TMEM132D: variants seen among roughly 807,000 people sequenced by gnomAD.
TMEM132D encodes transmembrane protein 132D, also known as mature OL transmembrane protein.
A neutral mutation model predicts 62.3 loss-of-function variants in TMEM132D; 21 were observed. The ratio of observed to expected loss-of-function variants is 0.34; its 90% confidence interval spans 0.24 to 0.49. The LOEUF (loss-of-function observed/expected upper bound fraction) is 0.49. Ranked by LOEUF, TMEM132D falls within the 20% of genes least tolerant of loss-of-function variation. The pLI is 0.99. For synonymous variants in TMEM132D, 621 were observed against 575.6 expected (o/e 1.08, Z -1.13); for missense variants, 1,346 against 1,402.8 (o/e 0.96, Z 0.65).
Position 129,275,143 on chromosome 12 carries a change from C to T in TMEM132D, c.1299+62491G>A, listed in dbSNP as rs1231149185. Among the ~76,000 whole-genome samples the T allele has an allele frequency of 5.9e-5, 9 of 151,784 alleles. No homozygotes were observed. The South Asian group carries it at 1.3e-3, about 21-fold the overall frequency. On this transcript the variant is annotated intron_variant, in intron 4 of 8. Transcript: ENST00000422113. ...AAAACTTAAACAATTAGCCAGGTGTCGTGGCACACAGCTGTAACCCCAGCT... is the reference window on the plus strand; with the variant it reads ...AAAACTTAAACAATTAGCCAGGTGTTGTGGCACACAGCTGTAACCCCAGCT...
rs141135066 is a variant in TMEM132D, at chr12:129,170,876, G to A, written c.1443+38644C>T. Among the ~76,000 whole-genome samples, 415 of 152,154 alleles carry A rather than the reference G, an allele frequency of 2.7e-3. 1 individual carries two copies. Among genetic ancestry groups the A allele is most frequent in the African/African-American group, 9.3e-3 (388 of 41,516 alleles). On this transcript the variant is annotated intron_variant, in intron 5 of 8. Transcript: ENST00000422113. ...GCCATTAACAAGTCATAATCTTTTT[G>A]CTGGTGGAGGGTCTTGCCTTGAGGT...
intron 3 of TMEM132D, among the ~76,000 whole-genome samples, chr12:129,391,858 G>A (rs543422081): frequency 6.6e-5 from 10 of 152,204 alleles, no homozygotes; most frequent in Non-Finnish European, 1.5e-4. Context: ...CCGGGTTCAA[G>A]TGATTCTCCT....
intron 2 of TMEM132D, among the ~76,000 whole-genome samples, chr12:129,670,412 C>T (rs980204946): frequency 3.9e-5 from 6 of 152,090 alleles, no homozygotes; most frequent in East Asian, 3.9e-4. Context: ...GGGCTTGAGA[C>T]GTTTTGCAGA....
At chr12:129,335,217 C>T (rs982115742) in intron 4 of TMEM132D, among the ~76,000 whole-genome samples, 2 of 150,028 alleles carry the variant, frequency 1.3e-5, no homozygotes, top group East Asian at 2.0e-4. Flanking sequence ...CTGCAAGCTC[C>T]GCCTCCCAAG....
intron 2 of TMEM132D, among the ~76,000 whole-genome samples, chr12:129,665,714 G>C (rs2175339): frequency 1.3e-5 from 2 of 151,976 alleles, no homozygotes. Flanking sequence ...TACCTATCTC[G>C]TAGGTACTTT....
intron 3 of TMEM132D, among the ~76,000 whole-genome samples, chr12:129,526,576 C>T (rs1306525399): frequency 3.3e-5 from 5 of 152,236 alleles, no homozygotes; most frequent in Non-Finnish European, 5.9e-5. Context: ...AGCCACCACT[C>T]CCAGCCTCTT....
At chr12:129,169,067 G>A (rs1051891755) in intron 5 of TMEM132D, among the ~76,000 whole-genome samples, 12 of 152,148 alleles carry the variant, frequency 7.9e-5, no homozygotes, top group East Asian at 5.8e-4. Flanking sequence ...TAGCATTTTC[G>A]TAAAGCCGTC....
chr12:129,428,449 C>T (rs1044510094), intron 3 of TMEM132D, among the ~76,000 whole-genome samples: 1 of 152,182 alleles, frequency 6.6e-6, no homozygotes, highest in African/African-American at 2.4e-5. Context: ...TATTTTGCAA[C>T]TTTGTGTCTA....
intron 2 of TMEM132D, among the ~76,000 whole-genome samples, chr12:129,672,892 C>T (rs1409756501): frequency 3.3e-5 from 5 of 152,026 alleles, no homozygotes; most frequent in African/African-American, 7.3e-5. Flanking sequence ...GGACTACATG[C>T]GTGCACCACC....
At chr12:129,587,825 TA>T (rs1468444148) in intron 2 of TMEM132D, among the ~76,000 whole-genome samples, 1 of 152,094 alleles carries the variant, frequency 6.6e-6, no homozygotes, top group African/African-American at 2.4e-5. Flanking sequence ...GGCCAGGGGG[TA>T]TATTATTCTC....
intron 1 of TMEM132D, among the ~76,000 whole-genome samples, chr12:129,894,053 C>T (rs1875023354): frequency 6.6e-6 from 1 of 152,210 alleles, no homozygotes; most frequent in African/African-American, 2.4e-5. Context: ...ACTGTCCAGG[C>T]CTGTATTATT....
At chr12:129,436,206 A>C (rs1872783022) in intron 3 of TMEM132D, among the ~76,000 whole-genome samples, 1 of 152,156 alleles carries the variant, frequency 6.6e-6, no homozygotes, top group Admixed American at 6.5e-5. Context: ...TTTAATGAAG[A>C]CCATAAAACA....
chr12:129,691,569 C>T (rs1041729355), intron 2 of TMEM132D, among the ~76,000 whole-genome samples: 1 of 151,974 alleles, frequency 6.6e-6, no homozygotes, highest in Non-Finnish European at 1.5e-5. Flanking sequence ...CTGGTGAATA[C>T]AGTAGATAAT....
chr12:129,630,107 G>A (rs1367207507), intron 2 of TMEM132D, among the ~76,000 whole-genome samples: 1 of 152,184 alleles, frequency 6.6e-6, no homozygotes, highest in Non-Finnish European at 1.5e-5. Flanking sequence ...ACCTCCACAT[G>A]TAGATTTTCC....
chr12:129,684,921 T>C (rs969335853), intron 2 of TMEM132D, among the ~76,000 whole-genome samples: 5 of 152,082 alleles, frequency 3.3e-5, no homozygotes, highest in African/African-American at 9.7e-5. Context: ...GATTGAGAGA[T>C]TGAAATGATT....
chr12:129,129,919 C>T (rs1355970151), intron 5 of TMEM132D, among the ~76,000 whole-genome samples: 1 of 152,058 alleles, frequency 6.6e-6, no homozygotes, highest in Non-Finnish European at 1.5e-5. Context: ...TTGCTTCTCT[C>T]ATTCCCTGAT....
chr12:129,887,000 CCT>C (rs1299303280), intron 1 of TMEM132D, among the ~76,000 whole-genome samples: 4 of 152,194 alleles, frequency 2.6e-5, no homozygotes, highest in Non-Finnish European at 5.9e-5. Context: ...GTCAATTAAA[CCT>C]CTTTCCTTTA....
chr12:129,264,534 A>T (rs1386886752), intron 4 of TMEM132D, among the ~76,000 whole-genome samples: 1 of 152,222 alleles, frequency 6.6e-6, no homozygotes, highest in Non-Finnish European at 1.5e-5. Context: ...CTAAAAGCAG[A>T]ACTACCATTT....
intron 3 of TMEM132D, among the ~76,000 whole-genome samples, chr12:129,498,407 C>G (rs1021359075): frequency 6.6e-6 from 1 of 152,106 alleles, no homozygotes. Flanking sequence ...GCTCACACCA[C>G]CACCCTCAGC....
Sources: allele counts gnomAD v4.1 joint callset (sites outside exome capture counted in the v4.1 genomes callset), GRCh38; gene constraint gnomAD v4.1.1; transcripts MANE v1.5; gene names NCBI Gene and HGNC (gene_info 2026-07-23, HGNC 2026-07-21).